The following EPHB1 variants were observed in gnomAD, a reference collection of about 807,000 sequenced individuals.
EPHB1 encodes the protein ephrin type-B receptor 1.
In EPHB1, 30 loss-of-function variants were observed where a neutral mutation model predicts 94.4. The observed-to-expected ratio is 0.32, with a 90% confidence interval of 0.24 to 0.43. The LOEUF (loss-of-function observed/expected upper bound fraction) is 0.43, where lower values mean the gene tolerates loss of function less well. EPHB1 is among the 20% of genes least tolerant of loss of function. The probability of loss-of-function intolerance (pLI) is 1.00; values close to 1 mark genes in which losing one functional copy is unlikely to be tolerated. For missense variants in EPHB1, 1,055 were observed against 1,308.3 expected, an observed-to-expected ratio of 0.81 and a Z score of 2.99; for synonymous variants, 522 against 489.1, an observed-to-expected ratio of 1.07 and a Z score of -0.89.
chr3:135,002,010 T>C (rs1935202425), intron 3 of EPHB1, among the ~76,000 whole-genome samples: 1 of 152,140 alleles, frequency 6.6e-6, no homozygotes, highest in Admixed American at 6.5e-5. Context: ...AGGCAAAAGG[T>C]AGGAACAATC....
chr3:135,048,299 C>T (rs1440624703), intron 3 of EPHB1, among the ~76,000 whole-genome samples: 5 of 104,618 alleles, frequency 4.8e-5, no homozygotes, highest in African/African-American at 1.9e-4. Context: ...GGGTCTCACT[C>T]TTCCAGGCTG....
Position 135,138,124 on chromosome 3 carries a change from A to T in EPHB1, c.1297+5075A>T, listed in dbSNP as rs560225640. ...ATCTTATCAGCACAATTTATATCTG[A>T]CATTTATATTACATGCAGTTCATGT... On this transcript the variant is annotated intron_variant, in intron 5 of 15. Coordinates refer to ENST00000398015, the MANE Select transcript of EPHB1 (RefSeq NM_004441.5). 3.3e-5 allele frequency among the ~76,000 whole-genome samples: 5 copies of T among 152,330 alleles called. No individual in the cohort carries two copies. In the South Asian group the frequency reaches 1.0e-3, roughly 32 times the overall value.
chr3:134,979,805 GA>G (rs1559780964), intron 3 of EPHB1, among the ~76,000 whole-genome samples: 1 of 151,256 alleles, frequency 6.6e-6, no homozygotes, highest in African/African-American at 2.4e-5. Context: ...TTTGTAGAGG[GA>G]AAAAAATGGA....
intron 1 of EPHB1, among the ~76,000 whole-genome samples, chr3:134,921,857 C>T (rs1330909866): frequency 6.6e-6 from 1 of 152,164 alleles, no homozygotes; most frequent in Non-Finnish European, 1.5e-5. Context: ...ATGAGGAGCA[C>T]AGGTGGAGAG....
chr3:135,089,107 TA>T (rs1938469654), intron 3 of EPHB1, among the ~76,000 whole-genome samples: 1 of 152,240 alleles, frequency 6.6e-6, no homozygotes. Context: ...TCCAGGAAGT[TA>T]TGTTGGCATA....
At chr3:135,180,050 T>C in intron 10 of EPHB1, 68 bp downstream of exon 10, 1 of 1,591,708 alleles carries the variant, frequency 6.3e-7, no homozygotes, top group Non-Finnish European at 8.6e-7. Flanking sequence ...CCACCCTAGA[T>C]GGTCTCTTTC....
intron 5 of EPHB1, among the ~76,000 whole-genome samples, chr3:135,149,800 G>A (rs1941135638): frequency 6.6e-6 from 1 of 152,218 alleles, no homozygotes; most frequent in Non-Finnish European, 1.5e-5. Context: ...TCATTGCCAT[G>A]AATCTGAGAA....
At chr3:134,955,921 C>T (rs932046522) in intron 3 of EPHB1, among the ~76,000 whole-genome samples, 1 of 152,160 alleles carries the variant, frequency 6.6e-6, no homozygotes, top group African/African-American at 2.4e-5. Context: ...TTCCCTTCTC[C>T]CCTCTTCCCT....
intron 3 of EPHB1, among the ~76,000 whole-genome samples, chr3:135,003,357 C>T (rs1935259782): frequency 6.6e-6 from 1 of 151,838 alleles, no homozygotes; most frequent in Non-Finnish European, 1.5e-5. Context: ...TTTACCTTTG[C>T]TGAGGAGAGC....
rs374894613 is a variant in EPHB1, at chr3:134,831,196, C to A, written c.58+35507C>A. Among the ~76,000 whole-genome samples, 14 of 152,306 alleles carry A rather than the reference C, an allele frequency of 9.2e-5. 1 individual carries two copies. Among genetic ancestry groups the A allele is most frequent in the African/African-American group, 3.4e-4 (14 of 41,568 alleles). Reference sequence around the variant, plus strand: ...GTCCTGCCCCTGGCAAATTGCTTCCCAGATTTCTGAAAACACTTGAAAATG... The same window carrying A: ...GTCCTGCCCCTGGCAAATTGCTTCCAAGATTTCTGAAAACACTTGAAAATG... On this transcript the variant is annotated intron_variant, in intron 1 of 15. Transcript: ENST00000398015.
intron 3 of EPHB1, among the ~76,000 whole-genome samples, chr3:134,999,041 G>A (rs1576304922): frequency 6.6e-6 from 1 of 152,154 alleles, no homozygotes; most frequent in Admixed American, 6.5e-5. Flanking sequence ...CAGGTCCATG[G>A]CATCAGTGTC....
At chr3:135,169,289 G>T (rs1559859692) in intron 9 of EPHB1, among the ~76,000 whole-genome samples, 1 of 152,208 alleles carries the variant, frequency 6.6e-6, no homozygotes, top group African/African-American at 2.4e-5. Context: ...CAGCTACATA[G>T]TCGCCATTCC....
At chr3:135,212,603 A>G (rs1220513944) in intron 12 of EPHB1, among the ~76,000 whole-genome samples, 1 of 152,130 alleles carries the variant, frequency 6.6e-6, no homozygotes, top group Non-Finnish European at 1.5e-5. Context: ...ATTTGGTATT[A>G]CCTTTCCCTT....
At chr3:134,857,147 G>A (rs1174818240) in intron 1 of EPHB1, among the ~76,000 whole-genome samples, 1 of 152,204 alleles carries the variant, frequency 6.6e-6, no homozygotes, top group Non-Finnish European at 1.5e-5. Context: ...GGGCAGGGAG[G>A]TGGAGGGCTC....
intron 3 of EPHB1, among the ~76,000 whole-genome samples, chr3:134,961,367 T>G (rs1015266231): frequency 6.6e-6 from 1 of 152,152 alleles, no homozygotes; most frequent in Non-Finnish European, 1.5e-5. Context: ...CTCAGCCTAA[T>G]TTTAGACACT....
At chr3:135,005,883 A>G (rs978589144) in intron 3 of EPHB1, among the ~76,000 whole-genome samples, 2 of 152,324 alleles carry the variant, frequency 1.3e-5, no homozygotes, top group East Asian at 1.9e-4. Flanking sequence ...AGATGAACCC[A>G]GTACCTCAGA....
At chr3:135,118,501 T>C (rs148630201) in intron 4 of EPHB1, among the ~76,000 whole-genome samples, 80 of 152,266 alleles carry the variant, frequency 5.3e-4, no homozygotes, top group Middle Eastern at 3.4e-3. Flanking sequence ...TTGCCCGAGT[T>C]TCCACCTTAT....
chr3:134,849,321 C>T (rs2036933842), intron 1 of EPHB1, among the ~76,000 whole-genome samples: 1 of 152,176 alleles, frequency 6.6e-6, no homozygotes, highest in Non-Finnish European at 1.5e-5. Flanking sequence ...CTGGAGACCA[C>T]ACTTTGAGAA....
At chr3:135,177,822 T>G (rs2107703962) in intron 9 of EPHB1, among the ~76,000 whole-genome samples, 1 of 152,328 alleles carries the variant, frequency 6.6e-6, no homozygotes, top group South Asian at 2.1e-4. Context: ...TTGACTGTTC[T>G]TACTCTTCAC....
Sources: allele counts gnomAD v4.1 joint callset (sites outside exome capture counted in the v4.1 genomes callset), GRCh38; gene constraint gnomAD v4.1.1; transcripts MANE v1.5; gene names NCBI Gene and HGNC (gene_info 2026-07-23, HGNC 2026-07-21).